Variants in CR1 observed in about 807,000 individuals in gnomAD.
CR1 encodes the protein complement receptor type 1.
Under a neutral mutation model 187.3 loss-of-function variants are expected in CR1, and 116 were observed. That is an observed-to-expected ratio of 0.62 (90% CI 0.53 to 0.72). The LOEUF (loss-of-function observed/expected upper bound fraction) is 0.72. Ranked by LOEUF, CR1 falls within the 30% of genes least tolerant of loss-of-function variation. The pLI, the probability that CR1 is intolerant of heterozygous loss-of-function variation, is 0.00. For synonymous variants in CR1, 576 were observed against 747.1 expected (o/e 0.77, Z 3.73); for missense variants, 1,731 against 2,110.7 (o/e 0.82, Z 3.52).
rs967874821 is a variant in CR1 at position 207,641,076 on chromosome 1, C to T, written c.*1667C>T. 3 of 152,210 alleles carry T rather than the reference C, an allele frequency of 2.0e-5. No individual in the cohort carries two copies. Among genetic ancestry groups the T allele is most frequent in the Admixed American group, 2.0e-4 (3 of 15,294 alleles). 9.4% of individuals were successfully genotyped at this position (152,210 alleles called of 1,614,324 possible). A position where few individuals can be genotyped will look rare whatever the true frequency, so the allele number is the denominator to read the frequency against. ...GGCAAAGGACATACAGCTAGGTCACCAAGAAAGAAGGGCAAATAGGTGGTG... is the reference window on the plus strand; with the variant it reads ...GGCAAAGGACATACAGCTAGGTCACTAAGAAAGAAGGGCAAATAGGTGGTG... On this transcript the variant is annotated 3_prime_UTR_variant, in exon 47 of 47. Coordinates refer to ENST00000367049, the MANE Select transcript of CR1 (RefSeq NM_000651.6).
In CR1 at chr1:207,584,735, T is replaced by A. The variant is rs769723094; in HGVS notation, c.5389T>A (p.Ser1797Thr). Reference sequence around the variant, plus strand: ...AGATATTCCCTATGGAAAAGAAATATCTTACACATGTGACCCCCACCCAGA... The same window carrying A: ...AGATATTCCCTATGGAAAAGAAATAACTTACACATGTGACCCCCACCCAGA... ...SGDIPYGKEISYTCDPHPDRG... is the reference protein window; with the variant it reads ...SGDIPYGKEITYTCDPHPDRG... Residue 1797 changes from serine (S) to threonine (T), a missense_variant, in exon 33 of 47, where the codon TCT becomes ACT. Coordinates refer to ENST00000367049, the MANE Select transcript of CR1 (RefSeq NM_000651.6). 1 of 1,613,848 alleles carries A rather than the reference T, an allele frequency of 6.2e-7. No homozygotes were observed. Among genetic ancestry groups the A allele is most frequent in the Non-Finnish European group, 8.5e-7 (1 of 1,179,792 alleles).
rs763620785 is a variant in CR1, at chr1:207,630,547, G to T, written c.7383G>T (p.Val2461=). ...GNNAHENPKE[V]AIHLHSQGGS... is the part of the protein sequence containing the mutation. ...ATGCACATGAAAACCCTAAAGAAGT[G>T]GCTATCCATTTACATTCTCAAGGAG... The change falls in exon 46 of 47, where the codon GTG becomes GTT. Residue 2461 remains valine, a synonymous_variant. Coordinates refer to ENST00000367049, the MANE Select transcript of CR1 (RefSeq NM_000651.6). 6.2e-7 allele frequency: 1 copy of T among 1,609,596 alleles called. No homozygotes were observed. The highest frequency in any genetic ancestry group is 2.2e-5 in the East Asian group (1 of 44,680).
chr1:207,506,637 C>G, intron 2 of CR1, 77 bp from the exon 3 acceptor site: 1 of 1,154,598 alleles, frequency 8.7e-7, no homozygotes, highest in Non-Finnish European at 1.3e-6. Context: ...AAGCTACAGG[C>G]AGGTTGAGAC....
At chr1:207,501,594 T>C (rs921954298) in intron 1 of CR1, among the ~76,000 whole-genome samples, 6 of 152,226 alleles carry the variant, frequency 3.9e-5, no homozygotes, top group African/African-American at 1.4e-4. Flanking sequence ...ACAACTTTGC[T>C]TTTTATAATT....
intron 46 of CR1, among the ~76,000 whole-genome samples, chr1:207,632,981 TACAA>T (rs1212798129): frequency 3.3e-5 from 5 of 152,178 alleles, no homozygotes; most frequent in African/African-American, 7.2e-5. Flanking sequence ...GCCACTCATT[TACAA>T]ACAGACGAAA....
At chr1:207,610,593 A>G (rs990625663) in intron 37 of CR1, among the ~76,000 whole-genome samples, 1 of 152,052 alleles carries the variant, frequency 6.6e-6, no homozygotes, top group Non-Finnish European at 1.5e-5. Flanking sequence ...CAGCCTCCCA[A>G]AGTACTGGGA....
chr1:207,519,635 AG>A (rs2102300740), intron 4 of CR1, among the ~76,000 whole-genome samples: 1 of 152,336 alleles, frequency 6.6e-6, no homozygotes, highest in African/African-American at 2.4e-5. Context: ...TTTTGCAAAA[AG>A]AAAAGCTTCA....
chr1:207,503,529 T>G (rs923812161), intron 1 of CR1, among the ~76,000 whole-genome samples: 1 of 152,154 alleles, frequency 6.6e-6, no homozygotes, highest in Admixed American at 6.5e-5. Flanking sequence ...GTCCTTTGGC[T>G]CTTGGCCTCC....
chr1:207,507,176 G>A (rs534408867), intron 3 of CR1: 4 of 185,064 alleles, frequency 2.2e-5, no homozygotes, highest in South Asian at 2.4e-4. Flanking sequence ...AAATCTTAAC[G>A]GTCATAGCAC....
intron 35 of CR1, chr1:207,600,913 T>C (rs980120117): frequency 6.6e-6 from 1 of 152,166 alleles, no homozygotes; most frequent in African/African-American, 2.4e-5. Flanking sequence ...GAAACATATA[T>C]TACTCATAAA....
intron 4 of CR1, among the ~76,000 whole-genome samples, chr1:207,514,201 A>G (rs1008629563): frequency 1.3e-5 from 2 of 152,196 alleles, no homozygotes; most frequent in Non-Finnish European, 2.9e-5. Flanking sequence ...CTCAGTCATA[A>G]TATTTAATCA....
At chr1:207,619,036 C>CAAAAAAAAAAAAAAAAA (rs71727231) in intron 42 of CR1, among the ~76,000 whole-genome samples, 1 of 38,482 alleles carries the variant, frequency 2.6e-5, no homozygotes, top group African/African-American at 5.9e-5. Flanking sequence ...GACTCCGTCT[C>CAAAAAAAAAAAAAAAAA]AAAAAAAAAA....
At chr1:207,585,293 T>C (rs772034041) in intron 33 of CR1, among the ~76,000 whole-genome samples, 14 of 152,204 alleles carry the variant, frequency 9.2e-5, no homozygotes, top group Non-Finnish European at 1.9e-4. Flanking sequence ...ATTGGAAATG[T>C]GGATATTATT....
At chr1:207,606,089 G>A (rs780083160) in intron 35 of CR1, 1 of 152,174 alleles carries the variant, frequency 6.6e-6, no homozygotes, top group Non-Finnish European at 1.5e-5. Flanking sequence ...GGGTTTATAC[G>A]ATGACTCCAT....
intron 23 of CR1, among the ~76,000 whole-genome samples, chr1:207,565,306 C>T (rs1251208003): frequency 6.7e-6 from 1 of 150,200 alleles, no homozygotes; most frequent in Non-Finnish European, 1.5e-5. Flanking sequence ...TCCTTTTTCC[C>T]CTAGAATATT....
chr1:207,622,691 A>G (rs1662348412), intron 44 of CR1, among the ~76,000 whole-genome samples: 3 of 152,246 alleles, frequency 2.0e-5, no homozygotes, highest in Admixed American at 1.3e-4. Flanking sequence ...GTCTTAGGCA[A>G]GAGACATGGG....
chr1:207,510,207 CA>C (rs943694284), intron 3 of CR1, among the ~76,000 whole-genome samples: 15 of 149,268 alleles, frequency 1.0e-4, no homozygotes, highest in Admixed American at 2.7e-4. Flanking sequence ...AAATCTGTCT[CA>C]AAAAAAAAGA....
Position 207,618,053 on chromosome 1 carries a change from G to C in CR1, c.6890-18G>C. The C allele has an allele frequency of 6.2e-7, 1 of 1,607,236 alleles. No individual in the cohort carries two copies. Among genetic ancestry groups the C allele is most frequent in the South Asian group, 1.1e-5 (1 of 89,984 alleles). On this transcript the variant is annotated intron_variant, in intron 41 of 46. Transcript: ENST00000367049. ...ACTGAGTGTCTTTTCTTGTGTTTGT[G>C]TGGGAACTTGTTCTTAGCCTGCCCA...
intron 23 of CR1, 91 bp downstream of exon 23, chr1:207,564,325 G>A: frequency 6.5e-7 from 1 of 1,537,202 alleles, no homozygotes; most frequent in South Asian, 1.2e-5. Flanking sequence ...TTAAAAGAAA[G>A]ACACACACAC....
Sources: gnomAD v4.1 joint callset for allele counts (sites outside exome capture counted in the v4.1 genomes callset) on GRCh38, gnomAD v4.1.1 for gene constraint, MANE v1.5 for transcripts, NCBI Gene and HGNC (gene_info 2026-07-23, HGNC 2026-07-21) for gene names.